CA1: variants seen among roughly 807,000 people sequenced by gnomAD.
The protein encoded by CA1 is carbonate dehydratase I.
CA1 carries 27 observed loss-of-function variants against 28.8 expected under a neutral mutation model. The observed-to-expected ratio is 0.94, with a 90% confidence interval of 0.69 to 1.29. CA1 has a LOEUF of 1.29. CA1 is among the 50% of genes most tolerant of loss of function. The probability of loss-of-function intolerance (pLI) is 0.00; values close to 1 mark genes in which losing one functional copy is unlikely to be tolerated. For missense variants in CA1, 335 were observed against 310.5 expected, an observed-to-expected ratio of 1.08 and a Z score of -0.59; for synonymous variants, 121 against 108.8, an observed-to-expected ratio of 1.11 and a Z score of -0.70.
intron 1 of CA1, among the ~76,000 whole-genome samples, chr8:85,375,929 A>G (rs953017890): frequency 2.0e-5 from 3 of 152,248 alleles, no homozygotes; most frequent in African/African-American, 2.4e-5. Context: ...GATATAAAAC[A>G]TGTAAAAAGC....
chr8:85,354,430 A>C (rs186517813), intron 1 of CA1, among the ~76,000 whole-genome samples: 3 of 152,242 alleles, frequency 2.0e-5, no homozygotes, highest in Admixed American at 6.5e-5. Flanking sequence ...AGAGAAGTCC[A>C]TTCTTCCTTC....
chr8:85,336,982 G>A lies in CA1; in HGVS notation c.317C>T (p.Ser106Leu), dbSNP rs937384900. 3.7e-6 allele frequency: 6 copies of A among 1,612,030 alleles called. No individual in the cohort carries two copies. The highest frequency in any genetic ancestry group is 2.2e-5 in the South Asian group (2 of 91,024). The change falls in exon 4 of 8, where the codon TCA (serine) becomes TTA (leucine). Residue 106 changes from serine to leucine, a missense_variant. Coordinates refer to ENST00000523022, the MANE Select transcript of CA1 (RefSeq NM_001128831.4). ...TTTGACTCCATCCACTGTATGTTCT[G>A]AACCATGCTCATTTGTACTGCCCCA... ...FHWGSTNEHG[S>L]EHTVDGVKYS...
chr8:85,332,559 AT>A lies in CA1; in HGVS notation c.451-8del. The A allele has an allele frequency of 1.9e-6, 3 of 1,605,664 alleles. No homozygotes were observed. The highest frequency in any genetic ancestry group is 2.6e-6 in the Non-Finnish European group (3 of 1,172,708). The stretch of plus-strand genomic sequence containing the variant: ...TTGGGTTGGCCTCACCAACCTGGAG[AT>A]TTAAGAAAATAAAGTATGAGATAAA... On this transcript the variant is annotated splice_polypyrimidine_tract_variant and splice_region_variant and intron_variant, in intron 5 of 7. Transcript: ENST00000523022.
intron 1 of CA1, among the ~76,000 whole-genome samples, chr8:85,358,213 T>C (rs1809670176): frequency 6.6e-6 from 1 of 152,136 alleles, no homozygotes; most frequent in Non-Finnish European, 1.5e-5. Flanking sequence ...GGTTGAGGTA[T>C]GGCCAGAACA....
rs559927381 is a variant in CA1 at position 85,329,691 on chromosome 8, G to C, written c.667C>G (p.Gln223Glu). The stretch of plus-strand genomic sequence containing the variant: ...TTCCCATTCATTCACAACTCTACCT[G>C]CTCTGAGCTGACACTGATGCTCTCC... ...CKESISVSSE[Q>E]LAQFRSLLSN... is the part of the protein sequence containing the mutation. The change falls in exon 7 of 8, where the codon CAG becomes GAG. Residue 223 changes from glutamine to glutamate, a missense_variant and splice_region_variant. Physicochemically the swap from Gln to Glu is conservative, Grantham distance 29 (BLOSUM62 2). Transcript: ENST00000523022. 3 of 1,609,974 alleles carry C rather than the reference G, an allele frequency of 1.9e-6. No homozygotes were observed. Among genetic ancestry groups the C allele is most frequent in the Admixed American group, 3.4e-5 (2 of 59,684 alleles).
At chr8:85,340,584 A>G (rs564612969) in intron 2 of CA1, among the ~76,000 whole-genome samples, 2 of 152,246 alleles carry the variant, frequency 1.3e-5, no homozygotes, top group African/African-American at 2.4e-5. Context: ...TTAAGAATAC[A>G]CTTTGTAAGG....
At chr8:85,376,380 G>A (rs1810416239) in intron 1 of CA1, among the ~76,000 whole-genome samples, 1 of 151,108 alleles carries the variant, frequency 6.6e-6, no homozygotes, top group Admixed American at 6.6e-5. Flanking sequence ...TGGGTAAGGG[G>A]GCCGGGCACG....
intron 7 of CA1, among the ~76,000 whole-genome samples, chr8:85,329,391 A>T (rs1221288748): frequency 6.6e-6 from 1 of 152,178 alleles, no homozygotes; most frequent in Non-Finnish European, 1.5e-5. Context: ...GTCCAGTCAC[A>T]GTTTTTCCTT....
Position 85,333,435 on chromosome 8 carries a change from T to G in CA1, c.450+90A>C, listed in dbSNP as rs1585915522. 5.0e-6 allele frequency: 4 copies of G among 807,428 alleles called. No individual in the cohort carries two copies. The East Asian group carries it at 1.1e-4, about 21-fold the overall frequency. The allele number at this position is 807,428 out of a possible 1,614,324, so 50.0% of individuals were successfully genotyped here. Reference sequence around the variant, plus strand: ...AAATGGAAACTTTAAAATAAGAAATTCTAAAATATATGTTGCCTTATTTCC... The same window carrying G: ...AAATGGAAACTTTAAAATAAGAAATGCTAAAATATATGTTGCCTTATTTCC... On this transcript the variant is annotated intron_variant, in intron 5 of 7. Coordinates refer to ENST00000523022, the MANE Select transcript of CA1 (RefSeq NM_001128831.4).
intron 4 of CA1, among the ~76,000 whole-genome samples, chr8:85,336,439 G>C (rs1238708786): frequency 6.6e-6 from 1 of 152,150 alleles, no homozygotes; most frequent in Non-Finnish European, 1.5e-5. Context: ...AAACTTCCAT[G>C]TGAGAGCAGG....
At chr8:85,335,142 G>C (rs892245588) in intron 4 of CA1, among the ~76,000 whole-genome samples, 10 of 152,176 alleles carry the variant, frequency 6.6e-5, no homozygotes, top group African/African-American at 2.2e-4. Flanking sequence ...TGCCAGTGTA[G>C]ATTCTGTCCC....
chr8:85,355,268 A>C (rs1227343496), intron 1 of CA1, among the ~76,000 whole-genome samples: 1 of 152,244 alleles, frequency 6.6e-6, no homozygotes, highest in African/African-American at 2.4e-5. Context: ...ATACACGAAC[A>C]CTGAGAAACA....
chr8:85,332,425 A>G, intron 6 of CA1, 65 bp downstream of exon 6: 1 of 1,326,118 alleles, frequency 7.5e-7, no homozygotes, highest in Non-Finnish European at 1.1e-6. Context: ...ATACTTCATT[A>G]AATGATTTCC....
intron 4 of CA1, among the ~76,000 whole-genome samples, chr8:85,335,719 C>A (rs1030304294): frequency 6.6e-6 from 1 of 152,120 alleles, no homozygotes; most frequent in Non-Finnish European, 1.5e-5. Context: ...TTGGATACTA[C>A]CAACTATCCT....
At chr8:85,329,909 T>TATTC in intron 6 of CA1, 65 bp from the exon 7 acceptor site, 4 of 1,213,882 alleles carry the variant, frequency 3.3e-6, no homozygotes, top group Non-Finnish European at 4.8e-6. Flanking sequence ...ATGTGACATA[T>TATTC]ATATGCTATA....
chr8:85,329,161 G>T (rs1216302991), intron 7 of CA1, among the ~76,000 whole-genome samples: 3 of 152,110 alleles, frequency 2.0e-5, no homozygotes, highest in Non-Finnish European at 4.4e-5. Flanking sequence ...TGTCCTGTAG[G>T]TTTGTTATGA....
chr8:85,350,492 C>T (rs1196219691), intron 1 of CA1, among the ~76,000 whole-genome samples: 1 of 152,222 alleles, frequency 6.6e-6, no homozygotes, highest in African/African-American at 2.4e-5. Flanking sequence ...ATATGCAACA[C>T]TTGGACATTG....
chr8:85,357,255 G>C (rs2130322427), intron 1 of CA1, among the ~76,000 whole-genome samples: 1 of 152,292 alleles, frequency 6.6e-6, no homozygotes, highest in South Asian at 2.1e-4. Context: ...CAGTGGAGCT[G>C]TATTTTTATC....
At chr8:85,335,501 C>G (rs988743056) in intron 4 of CA1, among the ~76,000 whole-genome samples, 2 of 152,122 alleles carry the variant, frequency 1.3e-5, no homozygotes, top group African/African-American at 4.8e-5. Flanking sequence ...AGCTTTGATT[C>G]AAACCCTGGC....
Sources: gnomAD v4.1 joint callset for allele counts (sites outside exome capture counted in the v4.1 genomes callset) on GRCh38, gnomAD v4.1.1 for gene constraint, MANE v1.5 for transcripts, NCBI Gene and HGNC (gene_info 2026-07-23, HGNC 2026-07-21) for gene names.